Variants in SLC9A9 observed in about 807,000 individuals in gnomAD.
SLC9A9 encodes the protein solute carrier family 9 member A9.
SLC9A9 carries 62 observed loss-of-function variants against 77.8 expected under a neutral mutation model. That is an observed-to-expected ratio of 0.80 (90% CI 0.65 to 0.98). The LOEUF (loss-of-function observed/expected upper bound fraction) is 0.98. Among genes scored for constraint, SLC9A9 ranks in the 50% least tolerant of loss-of-function variants. The pLI, the probability that SLC9A9 is intolerant of heterozygous loss-of-function variation, is 0.00. For missense variants in SLC9A9, 775 were observed against 774.9 expected, an observed-to-expected ratio of 1.00 and a Z score of 0.00; for synonymous variants, 320 against 283.5, an observed-to-expected ratio of 1.13 and a Z score of -1.29.
chr3:143,301,721 G>A (rs1710540314), intron 14 of SLC9A9, among the ~76,000 whole-genome samples: 1 of 152,194 alleles, frequency 6.6e-6, no homozygotes, highest in Non-Finnish European at 1.5e-5. Context: ...TTCCCCTAGT[G>A]ATTCTGACAC....
intron 2 of SLC9A9, among the ~76,000 whole-genome samples, chr3:143,814,101 G>C (rs1382075387): frequency 6.6e-6 from 1 of 152,166 alleles, no homozygotes; most frequent in Non-Finnish European, 1.5e-5. Flanking sequence ...TAAAATAGAG[G>C]TAAAAATAGA....
At chr3:143,501,934 C>G (rs2035930115) in intron 9 of SLC9A9, among the ~76,000 whole-genome samples, 2 of 150,700 alleles carry the variant, frequency 1.3e-5, no homozygotes, top group South Asian at 4.2e-4. Flanking sequence ...TTGCCTGAGT[C>G]TGGCCCGAAG....
chr3:143,657,422 T>A (rs2038909333), intron 5 of SLC9A9, among the ~76,000 whole-genome samples: 1 of 152,320 alleles, frequency 6.6e-6, no homozygotes, highest in African/African-American at 2.4e-5. Flanking sequence ...ACAGGGTTCC[T>A]TGGGGAAAAC....
chr3:143,733,989 G>A (rs1934875851), intron 4 of SLC9A9, among the ~76,000 whole-genome samples: 1 of 152,100 alleles, frequency 6.6e-6, no homozygotes, highest in Non-Finnish European at 1.5e-5. Flanking sequence ...TTGAAGCCAG[G>A]AGTTCAAGAC....
intron 14 of SLC9A9, among the ~76,000 whole-genome samples, chr3:143,349,964 C>CTTGT (rs1296852894): frequency 6.6e-6 from 1 of 152,162 alleles, no homozygotes; most frequent in African/African-American, 2.4e-5. Flanking sequence ...GGGCAAGTGG[C>CTTGT]TTGTTTACCT....
At chr3:143,467,752 A>G (rs1320161784) in intron 11 of SLC9A9, among the ~76,000 whole-genome samples, 2 of 152,010 alleles carry the variant, frequency 1.3e-5, no homozygotes, top group Non-Finnish European at 2.9e-5. Context: ...AGAGAGAGAG[A>G]GAGAGACAGA....
chr3:143,804,146 C>A (rs551639832), intron 2 of SLC9A9, among the ~76,000 whole-genome samples: 2 of 152,138 alleles, frequency 1.3e-5, no homozygotes, highest in African/African-American at 4.8e-5. Flanking sequence ...CTCCAAAGCC[C>A]AACTACACAC....
At chr3:143,582,554 C>T (rs1480167607) in intron 6 of SLC9A9, among the ~76,000 whole-genome samples, 2 of 152,150 alleles carry the variant, frequency 1.3e-5, no homozygotes, top group Admixed American at 1.3e-4. Context: ...TCTGAGGTTG[C>T]TGGGGCTGAA....
intron 14 of SLC9A9, among the ~76,000 whole-genome samples, chr3:143,311,788 C>T (rs549336353): frequency 2.4e-4 from 37 of 152,318 alleles, no homozygotes; most frequent in African/African-American, 7.7e-4. Context: ...GTGTGTGATT[C>T]TCACATACTT....
At chr3:143,699,867 G>A (rs1933746396) in intron 4 of SLC9A9, among the ~76,000 whole-genome samples, 1 of 151,978 alleles carries the variant, frequency 6.6e-6, no homozygotes, top group Non-Finnish European at 1.5e-5. Context: ...CTAATGCGGT[G>A]CCTGTGTGAC....
chr3:143,569,976 C>CT (rs548388783), intron 8 of SLC9A9, among the ~76,000 whole-genome samples: 178 of 143,882 alleles, frequency 1.2e-3, no homozygotes, highest in Middle Eastern at 3.5e-3. Context: ...TGACCAGATA[C>CT]TTTTTTTTTT....
chr3:143,595,321 A>G (rs1163779009), intron 6 of SLC9A9, among the ~76,000 whole-genome samples: 2 of 152,168 alleles, frequency 1.3e-5, no homozygotes, highest in Non-Finnish European at 2.9e-5. Context: ...ACTAAGATGT[A>G]TTTCACTTCA....
At chr3:143,790,697 A>G (rs2083807593) in intron 4 of SLC9A9, among the ~76,000 whole-genome samples, 1 of 152,208 alleles carries the variant, frequency 6.6e-6, no homozygotes, top group African/African-American at 2.4e-5. Context: ...TGATAATAAC[A>G]GTATTTACCT....
Position 143,832,140 on chromosome 3 carries a change from A to G in SLC9A9, c.257T>C (p.Leu86Pro), listed in dbSNP as rs1044424277. 6.2e-7 allele frequency: 1 copy of G among 1,613,202 alleles called. No individual in the cohort carries two copies. The highest frequency in any genetic ancestry group is 1.3e-5 in the African/African-American group (1 of 74,886). The change falls in exon 2 of 16, where the codon CTA becomes CCA. Residue 86 changes from leucine to proline, a missense_variant. Physicochemically the swap from Leu to Pro is moderately conservative, Grantham distance 98. Coordinates refer to ENST00000316549, the MANE Select transcript of SLC9A9 (RefSeq NM_173653.4). ...CAGCAGAGTTGATGGACTGAAAGTT[A>G]GTTTTACACAGTCATAGACAGTTCC... The part of the protein sequence containing the change: ...ESGTVYDCVK[L>P]TFSPSTLLVN...
intron 8 of SLC9A9, among the ~76,000 whole-genome samples, chr3:143,571,477 T>C (rs2037257088): frequency 6.6e-6 from 1 of 152,142 alleles, no homozygotes; most frequent in Non-Finnish European, 1.5e-5. Context: ...GAAATGACCA[T>C]ATGAAGAATG....
At chr3:143,761,592 C>G (rs533979544) in intron 4 of SLC9A9, among the ~76,000 whole-genome samples, 23 of 152,074 alleles carry the variant, frequency 1.5e-4, no homozygotes, top group African/African-American at 5.5e-4. Context: ...ATGAAAAAAT[C>G]TTCATCATCA....
intron 6 of SLC9A9, among the ~76,000 whole-genome samples, chr3:143,641,397 T>TTTTTTTG (rs2038619563): frequency 7.6e-6 from 1 of 132,182 alleles, no homozygotes; most frequent in African/African-American, 3.3e-5. Flanking sequence ...TTTTTTTTTT[T>TTTTTTTG]TTTTTTTTTT....
At chr3:143,772,022 A>ATGTGTG (rs55750613) in intron 4 of SLC9A9, among the ~76,000 whole-genome samples, 4,638 of 141,618 alleles carry the variant, frequency 0.033, 95 homozygotes, top group African/African-American at 0.039. Context: ...CATCCCCAGA[A>ATGTGTG]TGTGTGTGTG....
chr3:143,843,076 A>C (rs57718888), intron 1 of SLC9A9, among the ~76,000 whole-genome samples: 6,469 of 132,480 alleles, frequency 0.049, 447 homozygotes, highest in African/African-American at 0.23. Flanking sequence ...AGATTAAGAA[A>C]CTTAAATCTC....
Sources: allele counts gnomAD v4.1 joint callset (sites outside exome capture counted in the v4.1 genomes callset), GRCh38; gene constraint gnomAD v4.1.1; transcripts MANE v1.5; gene names NCBI Gene and HGNC (gene_info 2026-07-23, HGNC 2026-07-21).